NSUN3: variants seen among roughly 807,000 people sequenced by gnomAD.
The protein encoded by NSUN3 is NOP2/Sun RNA methyltransferase 3, also known as tRNA (cytosine(34)-C(5))-methyltransferase, mitochondrial.
Under a neutral mutation model 36.8 loss-of-function variants are expected in NSUN3, and 24 were observed. The ratio of observed to expected loss-of-function variants is 0.65; its 90% confidence interval spans 0.47 to 0.92. The LOEUF is 0.92. NSUN3 is among the 40% of genes least tolerant of loss of function. The probability of loss-of-function intolerance (pLI) is 0.00; values close to 1 mark genes in which losing one functional copy is unlikely to be tolerated. For missense variants in NSUN3, 381 were observed against 392.8 expected (o/e 0.97, Z 0.25); for synonymous variants, 146 against 145.2 (o/e 1.01, Z -0.04).
At chr3:94,123,009 G>T (rs2077470591) in intron 5 of NSUN3, among the ~76,000 whole-genome samples, 3 of 152,196 alleles carry the variant, frequency 2.0e-5, no homozygotes, top group Admixed American at 2.0e-4. Context: ...AATCTCATGA[G>T]CAGAATACCA....
Position 94,064,565 on chromosome 3 carries a change from G to C in NSUN3, c.122+19G>C, listed in dbSNP as rs145478857. The C allele has an allele frequency of 7.3e-7, 1 of 1,377,478 alleles. No individual in the cohort carries two copies. The highest frequency in any genetic ancestry group is 1.2e-5 in the South Asian group (1 of 85,592). The allele number at this position is 1,377,478 out of a possible 1,614,324, so 85.3% of individuals were successfully genotyped here. ...CAGTAAGGTTAGTATAATTCATCTC[G>C]ATGCTTTATGATGGAACAAAGTACA... On this transcript the variant is annotated intron_variant, in intron 2 of 5. Coordinates refer to ENST00000314622, the MANE Select transcript of NSUN3 (RefSeq NM_022072.5).
At chr3:94,086,955 A>G (rs935497305) in intron 3 of NSUN3, among the ~76,000 whole-genome samples, 3 of 152,234 alleles carry the variant, frequency 2.0e-5, no homozygotes, top group Admixed American at 2.0e-4. Context: ...TTTTGAAGAG[A>G]GGGCATTTTA....
At chr3:94,117,148 G>A (rs371705242) in intron 5 of NSUN3, among the ~76,000 whole-genome samples, 19 of 151,734 alleles carry the variant, frequency 1.3e-4, no homozygotes, top group East Asian at 9.7e-4. Flanking sequence ...ATAGGCGCAC[G>A]CCACCACACT....
In NSUN3 at chr3:94,063,150, G is replaced by A; in HGVS notation, c.12+12G>A. ...CAATGCTGACCCAGGTGAGACCTGGGGCCCGGCTGGGTACCTCTATCTGAA... is the reference window on the plus strand; with the variant it reads ...CAATGCTGACCCAGGTGAGACCTGGAGCCCGGCTGGGTACCTCTATCTGAA... On this transcript the variant is annotated intron_variant, in intron 1 of 5. Transcript: ENST00000314622. The A allele has an allele frequency of 6.2e-7, 1 of 1,613,936 alleles. No homozygotes were observed.
At position 94,115,112 on chromosome 3, in the gene NSUN3, A is replaced by T. The variant is rs537716985; in HGVS notation, c.744-11099A>T. Among the ~76,000 whole-genome samples the T allele has an allele frequency of 8.3e-4, 127 of 152,244 alleles. 1 individual carries two copies. Among genetic ancestry groups the T allele is most frequent in the Admixed American group, 2.0e-3 (30 of 15,294 alleles). ...GAGATAAAAAGACTGTAGTTTTCAT[A>T]CATTTTTCACATTATTAATTATATA... is the stretch of plus-strand genomic sequence containing the variant. On this transcript the variant is annotated intron_variant, in intron 5 of 5. Coordinates refer to ENST00000314622, the MANE Select transcript of NSUN3 (RefSeq NM_022072.5).
intron 2 of NSUN3, among the ~76,000 whole-genome samples, chr3:94,075,704 G>A (rs1481332763): frequency 6.6e-6 from 1 of 151,714 alleles, no homozygotes. Context: ...AAATTTCAAC[G>A]TAAGTCTGTG....
chr3:94,125,614 C>T (rs928070352), intron 5 of NSUN3, among the ~76,000 whole-genome samples: 3 of 152,190 alleles, frequency 2.0e-5, no homozygotes, highest in African/African-American at 4.8e-5. Context: ...TTACTCCCAT[C>T]GATTTAAAGA....
chr3:94,112,454 A>G (rs1472655964), intron 5 of NSUN3, among the ~76,000 whole-genome samples: 2 of 152,186 alleles, frequency 1.3e-5, no homozygotes, highest in African/African-American at 4.8e-5. Context: ...GGAGAGAGAA[A>G]GAGACTCAAA....
chr3:94,093,057 A>G lies in NSUN3; in HGVS notation c.467-1083A>G, dbSNP rs937299579. Among the ~76,000 whole-genome samples, 4 of 152,048 alleles carry G rather than the reference A, an allele frequency of 2.6e-5. No individual in the cohort carries two copies. In the East Asian group the frequency reaches 7.7e-4, roughly 29 times the overall value. On this transcript the variant is annotated intron_variant, in intron 3 of 5. Transcript: ENST00000314622. ...GTATGTTTGGGAAATGGAGTAGTCC[A>G]TCAAGTTTGGTAGAGCACAGAGTAT... is the stretch of plus-strand genomic sequence containing the variant.
At position 94,077,212 on chromosome 3, in the gene NSUN3, G is replaced by A. The variant is rs116881172; in HGVS notation, c.123-6895G>A. 2.1e-3 allele frequency: 1,398 copies of A among 665,676 alleles called. 18 individuals are homozygous for A. The highest frequency in any genetic ancestry group is 0.02 in the East Asian group (735 of 36,722). 41.2% of individuals were successfully genotyped at this position (665,676 alleles called of 1,614,324 possible). On this transcript the variant is annotated intron_variant, in intron 2 of 5. Transcript: ENST00000314622. ...AGCCAGGGGAATACTGGAGTCGGGTGTTGCAGGAGGGGCAGGGAGGCTGCA... is the reference window on the plus strand; with the variant it reads ...AGCCAGGGGAATACTGGAGTCGGGTATTGCAGGAGGGGCAGGGAGGCTGCA...
At chr3:94,076,925 C>T in intron 2 of NSUN3, 1 of 1,155,998 alleles carries the variant, frequency 8.7e-7, no homozygotes, top group South Asian at 1.2e-5. Flanking sequence ...GAGTTGCACA[C>T]TGGCTATAAC....
At chr3:94,105,804 A>C (rs573315035) in intron 5 of NSUN3, among the ~76,000 whole-genome samples, 141 of 152,242 alleles carry the variant, frequency 9.3e-4, no homozygotes, top group African/African-American at 3.2e-3. Flanking sequence ...AAAATCAACT[A>C]TAAGCAATCT....
chr3:94,075,866 G>GA (rs2107240143), intron 2 of NSUN3: 3 of 1,186,794 alleles, frequency 2.5e-6, no homozygotes, highest in East Asian at 2.5e-5. Flanking sequence ...GGGTTGAGAA[G>GA]AAAAAAAGGG....
At chr3:94,080,982 C>T (rs942305000) in intron 2 of NSUN3, among the ~76,000 whole-genome samples, 5 of 152,178 alleles carry the variant, frequency 3.3e-5, no homozygotes, top group Admixed American at 1.3e-4. Flanking sequence ...GCAGCTAGTT[C>T]GGTGTCTGCC....
At chr3:94,105,292 C>T (rs911869126) in intron 5 of NSUN3, among the ~76,000 whole-genome samples, 3 of 152,160 alleles carry the variant, frequency 2.0e-5, no homozygotes, top group African/African-American at 4.8e-5. Flanking sequence ...TGAAAAACCA[C>T]GATCCAGCCT....
chr3:94,122,791 A>G (rs2077469383), intron 5 of NSUN3, among the ~76,000 whole-genome samples: 2 of 152,116 alleles, frequency 1.3e-5, no homozygotes, highest in African/African-American at 2.4e-5. Context: ...ACTTCCCAGT[A>G]TCTTACAGCT....
chr3:94,077,242 G>C, intron 2 of NSUN3: 1 of 620,192 alleles, frequency 1.6e-6, no homozygotes, highest in East Asian at 2.8e-5. Flanking sequence ...GCTGCAGGCC[G>C]GATTGATTTG....
chr3:94,126,113 G>A, intron 5 of NSUN3, 98 bp from the exon 6 acceptor site: 1 of 944,588 alleles, frequency 1.1e-6, no homozygotes, highest in Non-Finnish European at 1.6e-6. Flanking sequence ...CTAAGTCAGA[G>A]TAAGGTTAGT....
intron 2 of NSUN3, among the ~76,000 whole-genome samples, chr3:94,080,013 G>A (rs2077261228): frequency 6.6e-6 from 1 of 152,014 alleles, no homozygotes. Context: ...GAGGCATTCT[G>A]GTTTTTGGAA....
Sources: gnomAD v4.1 joint callset for allele counts (sites outside exome capture counted in the v4.1 genomes callset) on GRCh38, gnomAD v4.1.1 for gene constraint, MANE v1.5 for transcripts, NCBI Gene and HGNC (gene_info 2026-07-23, HGNC 2026-07-21) for gene names.